Variants in TBC1D30 observed in about 807,000 individuals in gnomAD.
TBC1D30 encodes TBC1 domain family, member 30.
A neutral mutation model predicts 63.2 loss-of-function variants in TBC1D30; 31 were observed. The ratio of observed to expected loss-of-function variants is 0.49; its 90% CI spans 0.37 to 0.66. The LOEUF (loss-of-function observed/expected upper bound fraction) is 0.66, where lower values mean the gene tolerates loss of function less well. Among genes scored for constraint, TBC1D30 ranks in the 30% least tolerant of loss-of-function variants. TBC1D30 has a pLI of 0.00. For missense variants in TBC1D30, 810 were observed against 953.6 expected (o/e 0.85, Z 1.98); for synonymous variants, 307 against 361.5 (o/e 0.85, Z 1.71).
intron 1 of TBC1D30, among the ~76,000 whole-genome samples, chr12:64,773,435 A>G (rs1224655263): frequency 6.6e-6 from 1 of 152,010 alleles, no homozygotes; most frequent in Non-Finnish European, 1.5e-5. Context: ...GCCCAAGCCA[A>G]CTGGGAGAGG....
At chr12:64,778,686 C>T (rs1871148873), upstream of TBC1D30, among the ~76,000 whole-genome samples, 1 of 151,676 alleles carries the variant, frequency 6.6e-6, no homozygotes, top group Non-Finnish European at 1.5e-5. Flanking sequence ...CCACCACACC[C>T]AGCTAATTTT....
At chr12:64,843,948 T>C (rs1876129032) in intron 8 of TBC1D30, among the ~76,000 whole-genome samples, 7 of 152,114 alleles carry the variant, frequency 4.6e-5, no homozygotes, top group Admixed American at 4.6e-4. Context: ...TATGCCACCA[T>C]ACAGCTAATT....
intron 3 of TBC1D30, 30 bp from the exon 4 acceptor site, chr12:64,830,347 G>T: frequency 6.7e-7 from 1 of 1,494,226 alleles, no homozygotes; most frequent in South Asian, 1.3e-5. Context: ...TTCTACTTTG[G>T]CATTCTCCTT....
chr12:64,787,615 T>A (rs1481081600), intron 2 of TBC1D30, among the ~76,000 whole-genome samples: 3 of 152,236 alleles, frequency 2.0e-5, no homozygotes, highest in African/African-American at 2.4e-5. Flanking sequence ...TTAAATTTCA[T>A]TCTTATGTTT....
intron 2 of TBC1D30, among the ~76,000 whole-genome samples, chr12:64,816,527 A>G (rs139223184): frequency 6.6e-6 from 1 of 152,162 alleles, no homozygotes. Context: ...GAGTAATAAG[A>G]CTGTCTGAAT....
intron 1 of TBC1D30, among the ~76,000 whole-genome samples, chr12:64,784,002 G>A (rs1871424186): frequency 6.7e-6 from 1 of 150,274 alleles, no homozygotes; most frequent in South Asian, 2.1e-4. Context: ...TCTATCTGAA[G>A]GCATCTAGGA....
intron 2 of TBC1D30, among the ~76,000 whole-genome samples, chr12:64,815,152 A>C (rs1873446768): frequency 6.6e-6 from 1 of 152,228 alleles, no homozygotes; most frequent in African/African-American, 2.4e-5. Context: ...GAACATAGTA[A>C]GGGAAAACAT....
chr12:64,767,320 C>T (rs1454437780), intron 1 of TBC1D30, among the ~76,000 whole-genome samples: 2 of 151,774 alleles, frequency 1.3e-5, no homozygotes, highest in Non-Finnish European at 2.9e-5. Flanking sequence ...CCCATATCTC[C>T]ATTTAAGTAG....
intron 8 of TBC1D30, among the ~76,000 whole-genome samples, chr12:64,848,053 T>G (rs1209301678): frequency 6.6e-6 from 1 of 151,940 alleles, no homozygotes; most frequent in East Asian, 1.9e-4. Context: ...CTTTATTATA[T>G]CTGGGTGCTC....
chr12:64,760,392 C>T (rs1190832123), intron 1 of TBC1D30, among the ~76,000 whole-genome samples: 29 of 152,010 alleles, frequency 1.9e-4, no homozygotes, highest in Admixed American at 1.2e-3. Context: ...GGGGAAACCC[C>T]GTCTCTACTA....
chr12:64,807,805 G>T (rs191602316), intron 2 of TBC1D30, among the ~76,000 whole-genome samples: 9 of 151,936 alleles, frequency 5.9e-5, no homozygotes, highest in South Asian at 4.2e-4. Flanking sequence ...GAATGCAGTG[G>T]CATAATCATA....
intron 5 of TBC1D30, among the ~76,000 whole-genome samples, chr12:64,833,700 C>T (rs1383226064): frequency 5.3e-5 from 8 of 152,206 alleles, no homozygotes; most frequent in South Asian, 2.1e-4. Context: ...AATCTGTATT[C>T]AACCTCTCAC....
chr12:64,781,307 G>C (rs1871272274), intron 1 of TBC1D30: 1 of 1,090,226 alleles, frequency 9.2e-7, no homozygotes, highest in African/African-American at 1.7e-5. Flanking sequence ...GGCGCAGCAG[G>C]GTCCCGGGGG....
At chr12:64,859,267 G>T (rs1951813533) in intron 8 of TBC1D30, among the ~76,000 whole-genome samples, 1 of 152,232 alleles carries the variant, frequency 6.6e-6, no homozygotes, top group African/African-American at 2.4e-5. Context: ...GGAATTCAGG[G>T]ACTGGCTCAT....
In TBC1D30 at chr12:64,785,943, A is replaced by C. The variant is rs983692906; in HGVS notation, c.541A>C (p.Lys181Gln). 1.2e-5 allele frequency: 16 copies of C among 1,289,764 alleles called. No individual in the cohort carries two copies. In the African/African-American group the frequency reaches 1.7e-4, roughly 13 times the overall value. The allele number at this position is 1,289,764 out of a possible 1,614,324, so 79.9% of individuals were successfully genotyped here. A position where few individuals can be genotyped will look rare whatever the true frequency, so the allele number is the denominator to read the frequency against. Residue 181 changes from lysine (K) to glutamine (Q), a missense_variant, in exon 2 of 13, where the codon AAG becomes CAG. Lys to Gln is a moderately conservative substitution (Grantham distance 53). Coordinates refer to the TBC1D30 transcript ENST00000542120. The stretch of plus-strand genomic sequence containing the variant: ...GTACAGAATTGGCATCCAGTCGGCC[A>C]AGTTACTTCGGCATCTGAAGCAGAA...
At chr12:64,770,796 C>G (rs185254075) in intron 1 of TBC1D30, among the ~76,000 whole-genome samples, 3 of 151,818 alleles carry the variant, frequency 2.0e-5, no homozygotes, top group Non-Finnish European at 4.4e-5. Flanking sequence ...CTCCGCCTCC[C>G]GGGCTCAAGC....
At chr12:64,781,336 T>C in intron 1 of TBC1D30, 2 of 1,052,234 alleles carry the variant, frequency 1.9e-6, no homozygotes, top group Non-Finnish European at 2.3e-6. Context: ...AGCCGGGTTG[T>C]CCTCGCCGTC....
chr12:64,837,692 C>G (rs1417893742), intron 6 of TBC1D30, among the ~76,000 whole-genome samples: 1 of 152,180 alleles, frequency 6.6e-6, no homozygotes, highest in Non-Finnish European at 1.5e-5. Context: ...ACCTGAATGT[C>G]TCTAGGCATT....
chr12:64,784,922 T>A (rs1179748735), intron 1 of TBC1D30, among the ~76,000 whole-genome samples: 1 of 152,124 alleles, frequency 6.6e-6, no homozygotes, highest in Non-Finnish European at 1.5e-5. Flanking sequence ...TGTAGAATTA[T>A]TGTAATTTAT....
Sources: allele counts gnomAD v4.1 joint callset (sites outside exome capture counted in the v4.1 genomes callset), GRCh38; gene constraint gnomAD v4.1.1; transcripts MANE v1.5; gene names NCBI Gene and HGNC (gene_info 2026-07-23, HGNC 2026-07-21).